Variants in SEMA5A observed in about 807,000 individuals in gnomAD.
The protein encoded by SEMA5A is semaphorin-5A.
In SEMA5A, 55 loss-of-function variants were observed where a neutral mutation model predicts 135.5. That is an observed-to-expected ratio of 0.41 (90% CI 0.33 to 0.51). The LOEUF is 0.51. SEMA5A is among the 20% of genes least tolerant of loss of function. The pLI, the probability that SEMA5A is intolerant of heterozygous loss-of-function variation, is 0.37. For synonymous variants in SEMA5A, 580 were observed against 546.5 expected (o/e 1.06, Z -0.85); for missense variants, 1,290 against 1,419.9 (o/e 0.91, Z 1.47).
chr5:9,446,521 G>A (rs1453982857), intron 1 of SEMA5A, among the ~76,000 whole-genome samples: 1 of 152,092 alleles, frequency 6.6e-6, no homozygotes, highest in African/African-American at 2.4e-5. Flanking sequence ...CAATTTTGAA[G>A]AGCTTGCACA....
rs775023176 is a variant in SEMA5A, at chr5:9,201,957, A to G, written c.930T>C (p.Asn310=). The change falls in exon 9 of 23, where the codon AAT becomes AAC. Residue 310 remains asparagine, a splice_region_variant and synonymous_variant. Transcript: ENST00000382496. The part of the protein sequence containing the change: ...LDLIYGIFTT[N]VNSIAASAVC... ...AAAAATTATTTCAAGTTACATACAC[A>G]TTGGTGGTAAAGATGCCATAGATCA... is the stretch of plus-strand genomic sequence containing the variant. 6.2e-6 allele frequency: 10 copies of G among 1,613,364 alleles called. No homozygotes were observed. The highest frequency in any genetic ancestry group is 8.5e-6 in the Non-Finnish European group (10 of 1,179,434).
At chr5:9,476,309 C>A (rs916645894) in intron 1 of SEMA5A, among the ~76,000 whole-genome samples, 1 of 151,852 alleles carries the variant, frequency 6.6e-6, no homozygotes, top group Non-Finnish European at 1.5e-5. Flanking sequence ...CCTAAAGCAC[C>A]AAACAGCTAT....
intron 16 of SEMA5A, among the ~76,000 whole-genome samples, chr5:9,096,567 TG>T (rs1435414871): frequency 6.6e-6 from 1 of 151,502 alleles, no homozygotes; most frequent in Non-Finnish European, 1.5e-5. Flanking sequence ...TGTGTGTGTG[TG>T]TGTGTGTGTG....
At chr5:9,200,148 C>T (rs1279620685) in intron 9 of SEMA5A, among the ~76,000 whole-genome samples, 1 of 152,188 alleles carries the variant, frequency 6.6e-6, no homozygotes, top group African/African-American at 2.4e-5. Context: ...CAAGACCCAA[C>T]ACAAATTAGT....
At chr5:9,094,275 T>C (rs1198635483) in intron 16 of SEMA5A, among the ~76,000 whole-genome samples, 1 of 149,490 alleles carries the variant, frequency 6.7e-6, no homozygotes, top group Non-Finnish European at 1.5e-5. Context: ...GTCATTGAAG[T>C]CATTGAGAAT....
chr5:9,526,004 A>G (rs1737102773), intron 1 of SEMA5A, among the ~76,000 whole-genome samples: 1 of 152,246 alleles, frequency 6.6e-6, no homozygotes, highest in Non-Finnish European at 1.5e-5. Context: ...TTAAAGATTT[A>G]TAGAGAGTTC....
At chr5:9,095,113 C>G (rs1479908908) in intron 16 of SEMA5A, among the ~76,000 whole-genome samples, 2 of 152,068 alleles carry the variant, frequency 1.3e-5, no homozygotes, top group Non-Finnish European at 2.9e-5. Flanking sequence ...ACCTTGTATT[C>G]CTCTTTAGAA....
At chr5:9,467,675 C>G (rs555236223) in intron 1 of SEMA5A, among the ~76,000 whole-genome samples, 2 of 152,110 alleles carry the variant, frequency 1.3e-5, no homozygotes, top group African/African-American at 4.8e-5. Flanking sequence ...CACCAGGAGC[C>G]TCTAAGCCAG....
chr5:9,187,217 AAT>A (rs909956482), intron 11 of SEMA5A, among the ~76,000 whole-genome samples: 7 of 152,068 alleles, frequency 4.6e-5, no homozygotes, highest in African/African-American at 1.7e-4. Context: ...GTTAAAAAAA[AAT>A]ATCCCTTAAA....
At chr5:9,521,533 A>C (rs1413309743) in intron 1 of SEMA5A, among the ~76,000 whole-genome samples, 6 of 152,258 alleles carry the variant, frequency 3.9e-5, no homozygotes, top group Non-Finnish European at 7.3e-5. Flanking sequence ...CAAACAAAAA[A>C]GGTGGATGTG....
At chr5:9,081,877 C>G (rs957950134) in intron 16 of SEMA5A, among the ~76,000 whole-genome samples, 3 of 152,152 alleles carry the variant, frequency 2.0e-5, no homozygotes, top group Non-Finnish European at 4.4e-5. Context: ...ATTCACAGAA[C>G]TTAAAGCGGT....
At chr5:9,482,388 T>A (rs985813425) in intron 1 of SEMA5A, among the ~76,000 whole-genome samples, 2 of 152,092 alleles carry the variant, frequency 1.3e-5, no homozygotes, top group Admixed American at 6.6e-5. Flanking sequence ...CAAATAAATT[T>A]TGATTGAGAC....
intron 1 of SEMA5A, among the ~76,000 whole-genome samples, chr5:9,472,921 G>A (rs1369613494): frequency 6.7e-6 from 1 of 150,150 alleles, no homozygotes; most frequent in Non-Finnish European, 1.5e-5. Context: ...ATATTTCTCT[G>A]CATATAAAGT....
intron 16 of SEMA5A, among the ~76,000 whole-genome samples, chr5:9,079,171 C>G (rs1738234069): frequency 1.3e-5 from 2 of 152,066 alleles, no homozygotes; most frequent in African/African-American, 4.8e-5. Context: ...AACTAACACT[C>G]CTTAGCAAAT....
intron 1 of SEMA5A, among the ~76,000 whole-genome samples, chr5:9,497,849 G>C (rs1306049087): frequency 6.6e-6 from 1 of 152,028 alleles, no homozygotes; most frequent in Non-Finnish European, 1.5e-5. Flanking sequence ...TCCCTCTTTT[G>C]GTCTGTCGTT....
chr5:9,531,927 G>T (rs1205640322), intron 1 of SEMA5A, among the ~76,000 whole-genome samples: 1 of 152,166 alleles, frequency 6.6e-6, no homozygotes, highest in Admixed American at 6.5e-5. Flanking sequence ...CCCTCTCTAA[G>T]AAGATAATAG....
chr5:9,161,948 A>C (rs908942328), intron 11 of SEMA5A, among the ~76,000 whole-genome samples: 1 of 152,218 alleles, frequency 6.6e-6, no homozygotes, highest in Non-Finnish European at 1.5e-5. Context: ...CCTGGTCTCT[A>C]AATCCTTACC....
intron 13 of SEMA5A, among the ~76,000 whole-genome samples, chr5:9,134,231 A>C (rs1353810025): frequency 2.0e-5 from 3 of 152,116 alleles, no homozygotes; most frequent in African/African-American, 7.2e-5. Flanking sequence ...CCACAGCCTC[A>C]AACTCTTAGG....
chr5:9,285,557 G>C (rs1393618345), intron 5 of SEMA5A, among the ~76,000 whole-genome samples: 1 of 152,296 alleles, frequency 6.6e-6, no homozygotes, highest in East Asian at 1.9e-4. Context: ...TCAGTCAAAA[G>C]ACTCAGAACT....
Sources: gnomAD v4.1 joint callset for allele counts (sites outside exome capture counted in the v4.1 genomes callset) on GRCh38, gnomAD v4.1.1 for gene constraint, MANE v1.5 for transcripts, NCBI Gene and HGNC (gene_info 2026-07-23, HGNC 2026-07-21) for gene names.